The following RBFOX1 variants were observed in gnomAD, a reference collection of about 807,000 sequenced individuals.
RBFOX1 encodes the protein RNA binding fox-1 homolog 1.
RBFOX1 carries 8 observed loss-of-function variants against 57.7 expected under a neutral mutation model. The observed-to-expected ratio is 0.14, with a 90% CI of 0.08 to 0.25. The LOEUF (loss-of-function observed/expected upper bound fraction) is 0.25. Ranked by LOEUF, RBFOX1 falls within the 10% of genes least tolerant of loss-of-function variation. The pLI is 1.00. For synonymous variants in RBFOX1, 326 were observed against 222.4 expected, an observed-to-expected ratio of 1.47 and a Z score of -4.15; for missense variants, 611 against 548.5, an observed-to-expected ratio of 1.11 and a Z score of -1.14.
chr16:7,287,859 C>G (rs1356660384), intron 4 of RBFOX1, among the ~76,000 whole-genome samples: 1 of 152,164 alleles, frequency 6.6e-6, no homozygotes, highest in East Asian at 1.9e-4. Flanking sequence ...CCTTCCCCCA[C>G]CCATTTCGTG....
In RBFOX1 at chr16:5,663,935, C is replaced by A. The variant is rs550895381; in HGVS notation, c.318+64974C>A. Among the ~76,000 whole-genome samples the A allele has an allele frequency of 3.3e-5, 5 of 152,280 alleles. No individual in the cohort carries two copies. In the South Asian group the frequency reaches 8.3e-4, roughly 25 times the overall value. ...TTGAAGCAAATGGGGCAGTCGCCTTCCCTTCAGGGACAAGCCAGCACTCGA... is the reference window on the plus strand; with the variant it reads ...TTGAAGCAAATGGGGCAGTCGCCTTACCTTCAGGGACAAGCCAGCACTCGA... On this transcript the variant is annotated intron_variant, in intron 3 of 19. Coordinates refer to the RBFOX1 transcript ENST00000641259.
At chr16:5,904,156 T>G (rs2058381677) in intron 4 of RBFOX1, among the ~76,000 whole-genome samples, 1 of 152,076 alleles carries the variant, frequency 6.6e-6, no homozygotes, top group Admixed American at 6.6e-5. Context: ...AGATCGGCAA[T>G]GCCTGGTGTA....
intron 1 of RBFOX1, among the ~76,000 whole-genome samples, chr16:6,215,632 C>T (rs950462428): frequency 6.6e-6 from 1 of 152,108 alleles, no homozygotes; most frequent in African/African-American, 2.4e-5. Context: ...CCTCCATTAA[C>T]CTTGTCTTTT....
intron 3 of RBFOX1, among the ~76,000 whole-genome samples, chr16:6,750,455 C>T (rs1303274385): frequency 6.6e-6 from 1 of 152,198 alleles, no homozygotes; most frequent in Non-Finnish European, 1.5e-5. Context: ...TCTACCAAAA[C>T]ACCCTTTTTA....
chr16:7,154,521 C>T (rs13333160), intron 4 of RBFOX1, among the ~76,000 whole-genome samples: 26 of 152,296 alleles, frequency 1.7e-4, no homozygotes, highest in African/African-American at 5.5e-4. Flanking sequence ...ACAAGGCAGC[C>T]ATTTTTGCAG....
intron 1 of RBFOX1, among the ~76,000 whole-genome samples, chr16:6,219,876 C>CA (rs974731900): frequency 1.3e-5 from 2 of 151,590 alleles, no homozygotes; most frequent in African/African-American, 4.8e-5. Flanking sequence ...AACTGCATGT[C>CA]AAAAAAACAA....
intron 1 of RBFOX1, among the ~76,000 whole-genome samples, chr16:6,088,746 A>G (rs964799828): frequency 1.3e-5 from 2 of 152,192 alleles, no homozygotes; most frequent in African/African-American, 4.8e-5. Context: ...TATTACATGT[A>G]AAACTTGTGT....
intron 4 of RBFOX1, among the ~76,000 whole-genome samples, chr16:7,514,778 C>T (rs568358685): frequency 6.6e-6 from 1 of 152,164 alleles, no homozygotes; most frequent in Non-Finnish European, 1.5e-5. Flanking sequence ...CTTCTCTCTT[C>T]AATACAGAGA....
At chr16:5,385,637 G>A (rs994606121) in intron 1 of RBFOX1, among the ~76,000 whole-genome samples, 2 of 152,246 alleles carry the variant, frequency 1.3e-5, no homozygotes, top group Admixed American at 6.5e-5. Context: ...AGAATTTGCC[G>A]GAAGGTTCTT....
intron 2 of RBFOX1, among the ~76,000 whole-genome samples, chr16:6,580,248 T>C (rs1262460319): frequency 1.3e-5 from 2 of 152,198 alleles, no homozygotes; most frequent in Non-Finnish European, 2.9e-5. Context: ...TGAGCCACCA[T>C]GCCCGGCCAG....
At chr16:5,316,774 G>T in intron 1 of RBFOX1, among the ~76,000 whole-genome samples, 1 of 152,196 alleles carries the variant, frequency 6.6e-6, no homozygotes, top group Non-Finnish European at 1.5e-5. Flanking sequence ...AACCCAGGTG[G>T]TTTGGCATTC....
chr16:5,279,076 T>A (rs1447007300), intron 1 of RBFOX1, among the ~76,000 whole-genome samples: 1 of 152,196 alleles, frequency 6.6e-6, no homozygotes, highest in East Asian at 1.9e-4. Flanking sequence ...TTTGGGGTGT[T>A]CTGTGGTTCC....
At chr16:7,283,345 C>T (rs931307968) in intron 4 of RBFOX1, among the ~76,000 whole-genome samples, 1 of 151,938 alleles carries the variant, frequency 6.6e-6, no homozygotes, top group Non-Finnish European at 1.5e-5. Flanking sequence ...ATCCAGCATT[C>T]CTGACAGGGA....
At chr16:6,279,367 C>T (rs776468817) in intron 1 of RBFOX1, among the ~76,000 whole-genome samples, 13 of 152,142 alleles carry the variant, frequency 8.5e-5, no homozygotes, top group Non-Finnish European at 1.6e-4. Context: ...CCCTTTCTGC[C>T]TTGAAGGGGA....
At chr16:5,914,924 A>G (rs948270230) in intron 4 of RBFOX1, among the ~76,000 whole-genome samples, 2 of 152,024 alleles carry the variant, frequency 1.3e-5, no homozygotes, top group Admixed American at 6.6e-5. Flanking sequence ...AACAAAAAAA[A>G]AGAGAGTCTA....
At chr16:6,927,541 G>T (rs2075822288) in intron 3 of RBFOX1, among the ~76,000 whole-genome samples, 2 of 147,992 alleles carry the variant, frequency 1.4e-5, no homozygotes, top group Admixed American at 1.4e-4. Context: ...TCTTTGTTTT[G>T]TTTTGTTTTG....
intron 3 of RBFOX1, among the ~76,000 whole-genome samples, chr16:6,685,587 C>G (rs1328531618): frequency 2.6e-5 from 4 of 152,074 alleles, no homozygotes; most frequent in South Asian, 2.1e-4. Flanking sequence ...TGTGTCTGGC[C>G]AAGAGTTTCA....
At chr16:7,405,872 G>GA (rs2098331518) in intron 4 of RBFOX1, among the ~76,000 whole-genome samples, 1 of 152,160 alleles carries the variant, frequency 6.6e-6, no homozygotes, top group Non-Finnish European at 1.5e-5. Context: ...GTGATTCTCA[G>GA]GCAGTTGTGG....
intron 1 of RBFOX1, among the ~76,000 whole-genome samples, chr16:5,409,789 C>T (rs2066965865): frequency 2.0e-5 from 3 of 151,678 alleles, no homozygotes; most frequent in African/African-American, 7.3e-5. Flanking sequence ...GTGGCTCACA[C>T]CGGTAATCCC....
Sources: allele counts gnomAD v4.1 joint callset (sites outside exome capture counted in the v4.1 genomes callset), GRCh38; gene constraint gnomAD v4.1.1; transcripts MANE v1.5; gene names NCBI Gene and HGNC (gene_info 2026-07-23, HGNC 2026-07-21).